The following HS6ST2 variants were observed in gnomAD, a reference collection of about 807,000 sequenced individuals.
HS6ST2 encodes the protein heparan-sulfate 6-O-sulfotransferase 2.
In HS6ST2, 17 loss-of-function variants were observed where a neutral mutation model predicts 33.0. The observed-to-expected ratio is 0.52, with a 90% CI of 0.35 to 0.77. The LOEUF (loss-of-function observed/expected upper bound fraction) is 0.77. HS6ST2 is among the 30% of genes least tolerant of loss of function. The probability of loss-of-function intolerance (pLI) is 0.01; values close to 1 mark genes in which losing one functional copy is unlikely to be tolerated. For missense variants in HS6ST2, 519 were observed against 551.7 expected, an observed-to-expected ratio of 0.94 and a Z score of 0.59; for synonymous variants, 248 against 237.1, an observed-to-expected ratio of 1.05 and a Z score of -0.42.
At chrX:132,706,472 G>C (rs1156436180) in intron 3 of HS6ST2, among the ~76,000 whole-genome samples, 3 of 112,089 alleles carry the variant, frequency 2.7e-5, no homozygotes, top group Non-Finnish European at 3.8e-5. Context: ...CTATGATACA[G>C]TTGGCTATAG....
chrX:132,790,908 G>T lies in HS6ST2; in HGVS notation c.948-82414C>A, dbSNP rs189905041. ...TGTAATCTCAACACTTTGGGAAGCC[G>T]GGGTGGGAAAATGACTTGAGGCCAG... is the stretch of plus-strand genomic sequence containing the variant. On this transcript the variant is annotated intron_variant, in intron 2 of 4. Coordinates refer to ENST00000370833, the MANE Select transcript of HS6ST2 (RefSeq NM_001394073.1). 4.0e-3 allele frequency among the ~76,000 whole-genome samples: 444 copies of T among 111,597 alleles called. 2 individuals carry two copies. Among genetic ancestry groups the T allele is most frequent in the African/African-American group, 0.014 (416 of 30,725 alleles).
intron 2 of HS6ST2, among the ~76,000 whole-genome samples, chrX:132,806,695 A>G (rs2065287004): frequency 9.1e-6 from 1 of 109,912 alleles, no homozygotes; most frequent in Non-Finnish European, 1.9e-5. Context: ...AATTTCATAT[A>G]ATTTCCCTAT....
intron 4 of HS6ST2, among the ~76,000 whole-genome samples, chrX:132,645,252 G>T (rs2063631252): frequency 1.8e-5 from 2 of 112,829 alleles, no homozygotes; most frequent in Admixed American, 1.9e-4. Context: ...CCCTCTTATG[G>T]TAGAATTTCA....
At chrX:132,885,450 G>A (rs989092087) in intron 2 of HS6ST2, among the ~76,000 whole-genome samples, 1 of 111,454 alleles carries the variant, frequency 9.0e-6, no homozygotes, top group Non-Finnish European at 1.9e-5. Context: ...CTGTGTGGCC[G>A]ACATCTTTTC....
intron 2 of HS6ST2, among the ~76,000 whole-genome samples, chrX:132,904,223 A>G (rs761806837): frequency 8.9e-6 from 1 of 112,523 alleles, no homozygotes; most frequent in African/African-American, 3.2e-5. Flanking sequence ...TATGAACTTC[A>G]TATAAATGGA....
At chrX:132,930,482 T>C (rs189244821) in intron 2 of HS6ST2, among the ~76,000 whole-genome samples, 1 of 111,299 alleles carries the variant, frequency 9.0e-6, no homozygotes, top group Admixed American at 9.6e-5. Flanking sequence ...AGGCTCTTTG[T>C]CCCTATTGGC....
At chrX:132,722,183 G>A (rs1226417917) in intron 2 of HS6ST2, among the ~76,000 whole-genome samples, 2 of 54,310 alleles carry the variant, frequency 3.7e-5, no homozygotes, top group Non-Finnish European at 3.1e-5. Context: ...GCGAGACTCC[G>A]TCTCAAAAAA....
rs912084368 is a variant in HS6ST2, at chrX:132,885,061, G to A, written c.947+71747C>T. Reference sequence around the variant, plus strand: ...TCTGCACTAAAATTTGTATGCAAAAGTTCATAGCAGCATTATCCACAACAG... The same window carrying A: ...TCTGCACTAAAATTTGTATGCAAAAATTCATAGCAGCATTATCCACAACAG... On this transcript the variant is annotated intron_variant, in intron 2 of 4. Coordinates refer to ENST00000370833, the MANE Select transcript of HS6ST2 (RefSeq NM_001394073.1). Among the ~76,000 whole-genome samples, 5 of 112,181 alleles carry A rather than the reference G, an allele frequency of 4.5e-5. No homozygotes were observed. In the South Asian group the frequency reaches 1.9e-3, roughly 42 times the overall value.
intron 4 of HS6ST2, among the ~76,000 whole-genome samples, chrX:132,630,909 C>A (rs1032198161): frequency 4.5e-5 from 5 of 111,822 alleles, no homozygotes; most frequent in Non-Finnish European, 9.4e-5. Flanking sequence ...TGTGCCACTG[C>A]ATTTCAGCCT....
intron 2 of HS6ST2, among the ~76,000 whole-genome samples, chrX:132,776,446 T>C (rs2064959106): frequency 8.9e-6 from 1 of 112,068 alleles, no homozygotes. Flanking sequence ...CCCTATGACA[T>C]GAGCGATGTG....
At chrX:132,741,302 G>GT (rs746132429) in intron 2 of HS6ST2, among the ~76,000 whole-genome samples, 7,099 of 96,867 alleles carry the variant, frequency 0.073, 219 homozygotes, top group African/African-American at 0.08. Flanking sequence ...TTTTGGTTTT[G>GT]TTTTTTTTTT....
chrX:132,640,022 T>C (rs2063590393), intron 4 of HS6ST2, among the ~76,000 whole-genome samples: 1 of 112,004 alleles, frequency 8.9e-6, no homozygotes, highest in South Asian at 3.8e-4. Context: ...AGAGGGTACA[T>C]AGTGCCCTTT....
intron 3 of HS6ST2, among the ~76,000 whole-genome samples, chrX:132,704,067 A>G (rs975620848): frequency 1.8e-5 from 2 of 111,969 alleles, no homozygotes; most frequent in African/African-American, 3.2e-5. Flanking sequence ...TCTATCACTG[A>G]TAGAATTATT....
At chrX:132,783,883 T>C (rs995698946) in intron 2 of HS6ST2, among the ~76,000 whole-genome samples, 1 of 111,446 alleles carries the variant, frequency 9.0e-6, no homozygotes, top group Non-Finnish European at 1.9e-5. Flanking sequence ...GGGAGAGTCA[T>C]AAAGTAATGA....
At chrX:132,637,853 ATATATATAATATAT>A (rs1225301097) in intron 4 of HS6ST2, among the ~76,000 whole-genome samples, 1 of 29,371 alleles carries the variant, frequency 3.4e-5, no homozygotes, top group Non-Finnish European at 4.6e-5. Context: ...TATATATAAT[ATATATATAATATAT>A]TATATATAAT....
intron 2 of HS6ST2, among the ~76,000 whole-genome samples, chrX:132,792,818 G>A (rs2065130112): frequency 9.0e-6 from 1 of 110,787 alleles, no homozygotes; most frequent in East Asian, 2.8e-4. Flanking sequence ...CCATGTTGTA[G>A]CATATATCAG....
chrX:132,805,060 A>C (rs1390936590), intron 2 of HS6ST2, among the ~76,000 whole-genome samples: 6 of 111,371 alleles, frequency 5.4e-5, no homozygotes, highest in Non-Finnish European at 1.1e-4. Flanking sequence ...GAGGACAGTA[A>C]GAAAGGAAAG....
In HS6ST2 at chrX:132,941,004, G is replaced by A. The variant is rs779921091; in HGVS notation, c.947+15804C>T. Among the ~76,000 whole-genome samples the A allele has an allele frequency of 4.5e-5, 5 of 111,796 alleles. No homozygotes were observed. The South Asian group carries it at 1.9e-3, about 42-fold the overall frequency. ...CCGCACCCAGTCCTTGGACACTGAAGCCATAATCTTCCTACAATGAATAAT... is the reference window on the plus strand; with the variant it reads ...CCGCACCCAGTCCTTGGACACTGAAACCATAATCTTCCTACAATGAATAAT... On this transcript the variant is annotated intron_variant, in intron 2 of 4. Transcript: ENST00000370833.
chrX:132,712,514 C>A (rs112230842), intron 2 of HS6ST2, among the ~76,000 whole-genome samples: 75 of 111,835 alleles, frequency 6.7e-4, no homozygotes, highest in African/African-American at 2.3e-3. Flanking sequence ...TTCTTAAGGC[C>A]CTATGCAAAA....
Sources: gnomAD v4.1 joint callset for allele counts (sites outside exome capture counted in the v4.1 genomes callset) on GRCh38, gnomAD v4.1.1 for gene constraint, MANE v1.5 for transcripts, NCBI Gene and HGNC (gene_info 2026-07-23, HGNC 2026-07-21) for gene names.